ITPR1: variants seen among roughly 807,000 people sequenced by gnomAD.
ITPR1 encodes the protein inositol 1,4,5-trisphosphate receptor type 1, also known as inositol 1,4,5-trisphosphate-gated calcium channel ITPR1.
In ITPR1, 96 loss-of-function variants were observed where a neutral mutation model predicts 318.4. That is an observed-to-expected ratio of 0.30 (90% confidence interval 0.26 to 0.36). ITPR1 has a LOEUF of 0.36. ITPR1 is among the 10% of genes least tolerant of loss of function. The pLI is 1.00. For synonymous variants in ITPR1, 1,312 were observed against 1,289.9 expected (o/e 1.02, Z -0.37); for missense variants, 2,440 against 3,460.2 (o/e 0.71, Z 7.40).
At chr3:4,711,562 C>T in intron 38 of ITPR1, 195 bp from the exon 39 acceptor site, 1 of 551,348 alleles carries the variant, frequency 1.8e-6, no homozygotes, top group Non-Finnish European at 3.2e-6. Context: ...TGTGATTTAC[C>T]AGCAGGTGTC....
chr3:4,622,647 T>G (rs1027273186), intron 4 of ITPR1, among the ~76,000 whole-genome samples: 1 of 152,156 alleles, frequency 6.6e-6, no homozygotes, highest in Non-Finnish European at 1.5e-5. Context: ...TCTCTTGACC[T>G]CGTGATCCTC....
chr3:4,792,402 G>T (rs1014662068), intron 52 of ITPR1, among the ~76,000 whole-genome samples: 1 of 152,164 alleles, frequency 6.6e-6, no homozygotes, highest in Non-Finnish European at 1.5e-5. Flanking sequence ...CCAACATGTC[G>T]TGACTTAAAA....
chr3:4,507,460 C>G (rs981358896), intron 2 of ITPR1, among the ~76,000 whole-genome samples: 2 of 152,120 alleles, frequency 1.3e-5, no homozygotes, highest in African/African-American at 2.4e-5. Flanking sequence ...TGTATGAGAT[C>G]TTTCTGTTCA....
At chr3:4,580,763 G>C (rs2089250494) in intron 4 of ITPR1, among the ~76,000 whole-genome samples, 1 of 152,202 alleles carries the variant, frequency 6.6e-6, no homozygotes, top group African/African-American at 2.4e-5. Flanking sequence ...TACTGAGCAT[G>C]CCTAGTCCTT....
At chr3:4,769,983 A>T (rs143553956) in intron 46 of ITPR1, among the ~76,000 whole-genome samples, 10 of 152,232 alleles carry the variant, frequency 6.6e-5, no homozygotes, top group African/African-American at 2.4e-4. Flanking sequence ...ACCTAGGGAA[A>T]CCACCCCCTT....
At chr3:4,693,288 A>G (rs972837572) in intron 32 of ITPR1, among the ~76,000 whole-genome samples, 1 of 152,152 alleles carries the variant, frequency 6.6e-6, no homozygotes, top group Non-Finnish European at 1.5e-5. Context: ...CCAGTGTGGT[A>G]TTTCTGTATC....
At chr3:4,806,511 C>T (rs1276254969) in intron 55 of ITPR1, among the ~76,000 whole-genome samples, 1 of 152,216 alleles carries the variant, frequency 6.6e-6, no homozygotes, top group East Asian at 1.9e-4. Context: ...TCTGTTACTT[C>T]TCAGTAATGG....
intron 44 of ITPR1, among the ~76,000 whole-genome samples, chr3:4,764,908 C>T (rs1224997418): frequency 6.6e-6 from 1 of 151,754 alleles, no homozygotes; most frequent in Admixed American, 6.6e-5. Context: ...TGACATAGTG[C>T]CCACCTTGTG....
chr3:4,604,719 T>C (rs1254306904), intron 4 of ITPR1, among the ~76,000 whole-genome samples: 1 of 152,110 alleles, frequency 6.6e-6, no homozygotes, highest in Non-Finnish European at 1.5e-5. Flanking sequence ...GCTTAGGATC[T>C]GCAGTAGTTG....
intron 49 of ITPR1, chr3:4,782,301 A>C: frequency 5.1e-6 from 1 of 195,836 alleles, no homozygotes; most frequent in Non-Finnish European, 1.0e-5. Flanking sequence ...TCTAGCCTAC[A>C]TTCATATCAT....
intron 4 of ITPR1, among the ~76,000 whole-genome samples, chr3:4,587,900 C>T (rs1183706131): frequency 6.6e-6 from 1 of 152,290 alleles, no homozygotes; most frequent in Non-Finnish European, 1.5e-5. Context: ...GGTTTTAACA[C>T]CTCTCATCTG....
chr3:4,594,724 C>T (rs2090660634), intron 4 of ITPR1, among the ~76,000 whole-genome samples: 1 of 152,110 alleles, frequency 6.6e-6, no homozygotes, highest in Non-Finnish European at 1.5e-5. Context: ...CCCACCATGG[C>T]CGTCTCAGTC....
intron 43 of ITPR1, 26 bp downstream of exon 43, chr3:4,733,246 C>T (rs1428553122): frequency 6.8e-6 from 11 of 1,611,474 alleles, no homozygotes; most frequent in African/African-American, 1.3e-5. Flanking sequence ...TAATTACCTT[C>T]GTGTGTGAAT....
chr3:4,556,723 T>C (rs1438272324), intron 4 of ITPR1, among the ~76,000 whole-genome samples: 3 of 152,324 alleles, frequency 2.0e-5, no homozygotes, highest in South Asian at 4.1e-4. Context: ...TACTGAAAGA[T>C]ATGTTGGTTG....
chr3:4,788,174 A>T (rs2047324522), intron 52 of ITPR1, 35 bp downstream of exon 52: 1 of 1,536,610 alleles, frequency 6.5e-7, no homozygotes, highest in African/African-American at 1.4e-5. Flanking sequence ...ACACAGAGAG[A>T]CACAGTTCTG....
intron 52 of ITPR1, among the ~76,000 whole-genome samples, chr3:4,793,390 A>G (rs1456572192): frequency 1.3e-5 from 2 of 152,136 alleles, no homozygotes; most frequent in Non-Finnish European, 2.9e-5. Flanking sequence ...TGAGCTTTTT[A>G]TACACACACT....
chr3:4,722,020 T>C (rs1028303650), intron 40 of ITPR1, among the ~76,000 whole-genome samples: 1 of 152,172 alleles, frequency 6.6e-6, no homozygotes, highest in Non-Finnish European at 1.5e-5. Context: ...AGTGAGTAGA[T>C]CAGTGTCGCA....
chr3:4,586,865 T>C (rs2089958810), intron 4 of ITPR1, among the ~76,000 whole-genome samples: 1 of 152,134 alleles, frequency 6.6e-6, no homozygotes, highest in South Asian at 2.1e-4. Flanking sequence ...TGCTATGCTC[T>C]CTTTTAAACT....
intron 16 of ITPR1, among the ~76,000 whole-genome samples, chr3:4,664,673 A>T (rs932285270): frequency 5.3e-5 from 8 of 152,226 alleles, no homozygotes; most frequent in African/African-American, 1.9e-4. Context: ...TAACTGACTC[A>T]CTGGCAGGAG....
Sources: gnomAD v4.1 joint callset for allele counts (sites outside exome capture counted in the v4.1 genomes callset) on GRCh38, gnomAD v4.1.1 for gene constraint, MANE v1.5 for transcripts, NCBI Gene and HGNC (gene_info 2026-07-23, HGNC 2026-07-21) for gene names.